The following PARD3 variants were observed in gnomAD, a reference collection of about 807,000 sequenced individuals.
PARD3 encodes partitioning defective 3 homolog.
PARD3 carries 75 observed loss-of-function variants against 155.4 expected under a neutral mutation model. The observed-to-expected ratio is 0.48, with a 90% CI of 0.40 to 0.58. The LOEUF (loss-of-function observed/expected upper bound fraction) is 0.58. Among genes scored for constraint, PARD3 ranks in the 20% least tolerant of loss-of-function variants. PARD3 has a pLI of 0.00. For synonymous variants in PARD3, 576 were observed against 610.5 expected, an observed-to-expected ratio of 0.94 and a Z score of 0.83; for missense variants, 1,642 against 1,721.7, an observed-to-expected ratio of 0.95 and a Z score of 0.82.
At chr10:34,257,184 G>A (rs939901191) in intron 22 of PARD3, among the ~76,000 whole-genome samples, 3 of 152,202 alleles carry the variant, frequency 2.0e-5, no homozygotes, top group Non-Finnish European at 4.4e-5. Flanking sequence ...TTTAAAACTG[G>A]ATTGCGGATT....
At position 34,269,888 on chromosome 10, in the gene PARD3, T is replaced by C. The variant is rs1048152127; in HGVS notation, c.3188A>G (p.Lys1063Arg). 2.5e-6 allele frequency: 4 copies of C among 1,613,636 alleles called. No individual in the cohort carries two copies. Among genetic ancestry groups the C allele is most frequent in the Non-Finnish European group, 3.4e-6 (4 of 1,179,784 alleles). Residue 1063 changes from lysine to arginine, a missense_variant, in exon 22 of 25, where the codon AAA becomes AGA. By Grantham distance (26) the Lys-to-Arg change is conservative. This residue lies in a region of PARD3 where 1,529 missense variants were observed against 1,587.3 expected (regional missense o/e 0.96). Coordinates refer to ENST00000374788, the MANE Select transcript of PARD3 (RefSeq NM_001184785.2). ...TTGTCGTTCCCTAAATTCTCGAGTT[T>C]TGGCTTGAATCCTATGAAATCAGAA... ...MKQEQERIQA[K>R]TREFRERQAR...
chr10:34,393,314 T>C (rs1002045295), intron 7 of PARD3, among the ~76,000 whole-genome samples: 2 of 152,060 alleles, frequency 1.3e-5, no homozygotes, highest in Non-Finnish European at 2.9e-5. Context: ...GCAAGGTGGC[T>C]CATGCCCGTA....
At chr10:34,325,268 C>T (rs1307622913) in intron 19 of PARD3, among the ~76,000 whole-genome samples, 1 of 152,112 alleles carries the variant, frequency 6.6e-6, no homozygotes, top group Non-Finnish European at 1.5e-5. Flanking sequence ...CCTCAGCCAC[C>T]CAAAGTGCTG....
chr10:34,372,686 C>T, intron 11 of PARD3, 150 bp from the exon 12 acceptor site: 2 of 617,058 alleles, frequency 3.2e-6, no homozygotes, highest in Non-Finnish European at 5.7e-6. Flanking sequence ...TGACATAATG[C>T]TCTGTCTTCC....
intron 22 of PARD3, among the ~76,000 whole-genome samples, chr10:34,223,265 C>T (rs569086309): frequency 6.6e-6 from 1 of 151,898 alleles, no homozygotes; most frequent in Non-Finnish European, 1.5e-5. Flanking sequence ...CAAAATGCCA[C>T]CAACAAGAGG....
chr10:34,353,171 G>A (rs1485124485), intron 14 of PARD3, among the ~76,000 whole-genome samples: 39 of 152,188 alleles, frequency 2.6e-4, no homozygotes, highest in Admixed American at 2.6e-3. Flanking sequence ...GTCCGGGAGG[G>A]AGGTGGGGGG....
chr10:34,530,727 T>C (rs775164281), intron 2 of PARD3, among the ~76,000 whole-genome samples: 5 of 152,242 alleles, frequency 3.3e-5, no homozygotes, highest in African/African-American at 1.2e-4. Context: ...GGCACCTTCA[T>C]TGGTAATTCT....
intron 1 of PARD3, among the ~76,000 whole-genome samples, chr10:34,737,953 C>T (rs1372081985): frequency 1.3e-5 from 2 of 152,182 alleles, no homozygotes; most frequent in Non-Finnish European, 2.9e-5. Context: ...CAGCAAAGGG[C>T]CCATTAGGCA....
intron 22 of PARD3, among the ~76,000 whole-genome samples, chr10:34,232,054 T>C (rs543683546): frequency 6.6e-6 from 1 of 152,154 alleles, no homozygotes; most frequent in African/African-American, 2.4e-5. Flanking sequence ...CGAATAAAGG[T>C]CCAAATATTA....
chr10:34,164,919 G>A (rs558374040), intron 22 of PARD3, among the ~76,000 whole-genome samples: 1 of 152,242 alleles, frequency 6.6e-6, no homozygotes, highest in South Asian at 2.1e-4. Flanking sequence ...GTCATTTACT[G>A]AAAAGGTTCT....
chr10:34,799,142 A>G (rs1257830745), intron 1 of PARD3, among the ~76,000 whole-genome samples: 3 of 152,172 alleles, frequency 2.0e-5, no homozygotes, highest in Non-Finnish European at 4.4e-5. Context: ...CCCGGGATCA[A>G]GCGATTCTCC....
At chr10:34,231,266 C>CAA (rs57175956) in intron 22 of PARD3, among the ~76,000 whole-genome samples, 29,187 of 81,574 alleles carry the variant, frequency 0.36, 6,646 homozygotes, top group Non-Finnish European at 0.43. Context: ...TAATCTTAGG[C>CAA]AAAAAAAAAA....
At chr10:34,574,315 TCA>T (rs774021872) in intron 2 of PARD3, among the ~76,000 whole-genome samples, 1 of 152,182 alleles carries the variant, frequency 6.6e-6, no homozygotes, top group Non-Finnish European at 1.5e-5. Flanking sequence ...TCCCTTGAAT[TCA>T]CAGTTTCACT....
chr10:34,782,182 A>G (rs1220459200), intron 1 of PARD3, among the ~76,000 whole-genome samples: 3 of 152,192 alleles, frequency 2.0e-5, no homozygotes, highest in Admixed American at 6.5e-5. Context: ...AGCTGCCAAG[A>G]AATTATGGAG....
chr10:34,448,769 C>T (rs2076894382), intron 5 of PARD3, among the ~76,000 whole-genome samples: 1 of 152,000 alleles, frequency 6.6e-6, no homozygotes, highest in Admixed American at 6.6e-5. Flanking sequence ...TGCACCACTG[C>T]ACTCCAGCCT....
intron 3 of PARD3, among the ~76,000 whole-genome samples, chr10:34,497,002 G>C (rs2080337798): frequency 6.6e-6 from 1 of 152,160 alleles, no homozygotes; most frequent in African/African-American, 2.4e-5. Context: ...TAGGAGTATA[G>C]ATGCAGCAAG....
chr10:34,349,355 T>C lies in PARD3; in HGVS notation c.2068-1240A>G, dbSNP rs1016553610. ...CAACACAATTACAATTGGAGGCACA[T>C]CAAACTGCAGGAGAATAATAAACTT... On this transcript the variant is annotated intron_variant, in intron 14 of 24. Transcript: ENST00000374788. 2.6e-5 allele frequency among the ~76,000 whole-genome samples: 4 copies of C among 152,090 alleles called. No homozygotes were observed. In the South Asian group the frequency reaches 8.3e-4, roughly 31 times the overall value.
intron 2 of PARD3, among the ~76,000 whole-genome samples, chr10:34,573,226 CAT>C (rs1250000432): frequency 1.3e-5 from 2 of 151,824 alleles, no homozygotes; most frequent in African/African-American, 4.8e-5. Flanking sequence ...TGTGATGGCA[CAT>C]GTCTGTAGTC....
At chr10:34,145,219 A>ATT (rs1482241627) in intron 22 of PARD3, among the ~76,000 whole-genome samples, 12 of 53,524 alleles carry the variant, frequency 2.2e-4, no homozygotes, top group African/African-American at 2.9e-4. Flanking sequence ...ATATATATAT[A>ATT]TATTTTTTTT....
Sources: gnomAD v4.1 joint callset for allele counts (sites outside exome capture counted in the v4.1 genomes callset) on GRCh38, gnomAD v4.1.1 for gene constraint, gnomAD v4.1.1 regional missense constraint, MANE v1.5 for transcripts, NCBI Gene and HGNC (gene_info 2026-07-23, HGNC 2026-07-21) for gene names.